The following DPYD variants were observed in gnomAD, a reference collection of about 807,000 sequenced individuals.
DPYD encodes dihydropyrimidine dehydrogenase [NADP(+)].
Under a neutral mutation model 116.2 loss-of-function variants are expected in DPYD, and 109 were observed. The ratio of observed to expected loss-of-function variants is 0.94; its 90% CI spans 0.80 to 1.10. The LOEUF is 1.10. DPYD is among the 50% of genes least tolerant of loss of function. The pLI is 0.00. For synonymous variants in DPYD, 440 were observed against 432.0 expected (o/e 1.02, Z -0.23); for missense variants, 1,302 against 1,254.5 (o/e 1.04, Z -0.57).
At chr1:97,139,435 A>C (rs1445049996) in intron 20 of DPYD, among the ~76,000 whole-genome samples, 1 of 152,186 alleles carries the variant, frequency 6.6e-6, no homozygotes, top group Non-Finnish European at 1.5e-5. Flanking sequence ...CATTATGAAA[A>C]ACCTAATAAC....
intron 14 of DPYD, among the ~76,000 whole-genome samples, chr1:97,423,961 C>A (rs1471067261): frequency 1.3e-5 from 2 of 152,086 alleles, no homozygotes; most frequent in African/African-American, 4.8e-5. Flanking sequence ...CAAAAATAGA[C>A]CTAGTCCTCC....
At chr1:97,120,464 C>T (rs201690657) in intron 20 of DPYD, among the ~76,000 whole-genome samples, 15 of 152,062 alleles carry the variant, frequency 9.9e-5, no homozygotes, top group East Asian at 7.7e-4. Context: ...TCTTAGCGGA[C>T]GACAGAGCCT....
intron 18 of DPYD, among the ~76,000 whole-genome samples, chr1:97,274,793 G>A (rs1040344905): frequency 6.6e-6 from 1 of 152,106 alleles, no homozygotes; most frequent in African/African-American, 2.4e-5. Context: ...ATCAGTGCTG[G>A]TTGGTAACCA....
At chr1:97,823,207 G>A (rs1467739261) in intron 3 of DPYD, among the ~76,000 whole-genome samples, 2 of 151,814 alleles carry the variant, frequency 1.3e-5, no homozygotes, top group Admixed American at 6.6e-5. Context: ...CAGGCTGAAG[G>A]GCAGTGGCGT....
At chr1:97,731,069 T>A (rs1571264055) in intron 4 of DPYD, among the ~76,000 whole-genome samples, 1 of 152,146 alleles carries the variant, frequency 6.6e-6, no homozygotes, top group Non-Finnish European at 1.5e-5. Flanking sequence ...TATAAAATGC[T>A]GAAAACTTTT....
chr1:97,230,661 A>G (rs1356455358), intron 19 of DPYD, among the ~76,000 whole-genome samples: 1 of 152,206 alleles, frequency 6.6e-6, no homozygotes, highest in African/African-American at 2.4e-5. Context: ...CCAAGCCAAT[A>G]GACAGTAAGC....
chr1:97,286,087 C>T (rs549490059), intron 18 of DPYD, among the ~76,000 whole-genome samples: 169 of 152,212 alleles, frequency 1.1e-3, no homozygotes, highest in African/African-American at 4.0e-3. Context: ...TTTAGCGCTT[C>T]CTTCAGGAGC....
chr1:97,412,138 G>C (rs1320778853), intron 14 of DPYD, among the ~76,000 whole-genome samples: 2 of 152,142 alleles, frequency 1.3e-5, no homozygotes, highest in Non-Finnish European at 2.9e-5. Flanking sequence ...GTGAATGTTA[G>C]CTATTTCAAG....
chr1:97,285,026 CT>C (rs1316682446), intron 18 of DPYD, among the ~76,000 whole-genome samples: 6 of 152,148 alleles, frequency 3.9e-5, no homozygotes, highest in African/African-American at 1.4e-4. Context: ...AACATTGATG[CT>C]AACGGGTCTG....
chr1:97,088,162 C>A (rs1472235181), intron 21 of DPYD, among the ~76,000 whole-genome samples: 3 of 152,096 alleles, frequency 2.0e-5, no homozygotes, highest in Non-Finnish European at 4.4e-5. Flanking sequence ...TTTCTTGATC[C>A]ATCTTCAGGT....
At chr1:97,181,248 C>T (rs1434852743) in intron 20 of DPYD, among the ~76,000 whole-genome samples, 1 of 152,048 alleles carries the variant, frequency 6.6e-6, no homozygotes, top group African/African-American at 2.4e-5. Context: ...TGAGAGAAAC[C>T]AAGTTGGGGA....
intron 18 of DPYD, among the ~76,000 whole-genome samples, chr1:97,248,044 A>T (rs1662841678): frequency 6.6e-6 from 1 of 152,222 alleles, no homozygotes; most frequent in Admixed American, 6.5e-5. Context: ...GAAACCTGAC[A>T]AATAAACTAA....
chr1:97,410,159 T>C (rs1286485292), intron 14 of DPYD, among the ~76,000 whole-genome samples: 1 of 152,072 alleles, frequency 6.6e-6, no homozygotes, highest in Non-Finnish European at 1.5e-5. Flanking sequence ...CTTTCTATTA[T>C]ATCATTTTCT....
intron 6 of DPYD, 105 bp from the exon 7 acceptor site, chr1:97,691,903 A>G (rs1661028910): frequency 1.2e-6 from 1 of 848,090 alleles, no homozygotes; most frequent in African/African-American, 1.7e-5. Flanking sequence ...TAGAAAATAA[A>G]TATCTCTTCC....
intron 12 of DPYD, among the ~76,000 whole-genome samples, chr1:97,529,026 T>C (rs893720721): frequency 1.3e-5 from 2 of 152,164 alleles, no homozygotes; most frequent in African/African-American, 4.8e-5. Flanking sequence ...TCTATAAATA[T>C]ACACATCATA....
chr1:97,611,682 T>A (rs1655962809), intron 8 of DPYD, among the ~76,000 whole-genome samples: 2 of 152,012 alleles, frequency 1.3e-5, no homozygotes, highest in South Asian at 4.1e-4. Context: ...AGCCAGAACC[T>A]AAGTTTGAGT....
At chr1:97,895,656 T>C (rs925903766) in intron 1 of DPYD, among the ~76,000 whole-genome samples, 9 of 151,680 alleles carry the variant, frequency 5.9e-5, no homozygotes, top group African/African-American at 2.2e-4. Flanking sequence ...AGGATCAGAG[T>C]AGAGCAAGGA....
chr1:97,370,912 CA>C (rs1237780002), intron 16 of DPYD, among the ~76,000 whole-genome samples: 2 of 152,240 alleles, frequency 1.3e-5, no homozygotes, highest in African/African-American at 2.4e-5. Context: ...CAGGAATACA[CA>C]ATGCAATTTC....
At chr1:97,383,377 A>G (rs983470379) in intron 14 of DPYD, among the ~76,000 whole-genome samples, 3 of 151,532 alleles carry the variant, frequency 2.0e-5, no homozygotes, top group Non-Finnish European at 4.4e-5. Flanking sequence ...CTCGGGAGGC[A>G]GAGACAGGAG....
Sources: gnomAD v4.1 joint callset for allele counts (sites outside exome capture counted in the v4.1 genomes callset) on GRCh38, gnomAD v4.1.1 for gene constraint, MANE v1.5 for transcripts, NCBI Gene and HGNC (gene_info 2026-07-23, HGNC 2026-07-21) for gene names.